GRM7: variants seen among roughly 807,000 people sequenced by gnomAD.
The protein encoded by GRM7 is glutamate metabotropic receptor 7.
Under a neutral mutation model 84.5 loss-of-function variants are expected in GRM7, and 35 were observed. The ratio of observed to expected loss-of-function variants is 0.41; its 90% CI spans 0.32 to 0.55. GRM7 has a LOEUF of 0.55. Among genes scored for constraint, GRM7 ranks in the 20% least tolerant of loss-of-function variants. The pLI is 0.19. For synonymous variants in GRM7, 487 were observed against 455.1 expected, an observed-to-expected ratio of 1.07 and a Z score of -0.89; for missense variants, 1,003 against 1,194.6, an observed-to-expected ratio of 0.84 and a Z score of 2.36.
At chr3:7,053,597 T>A (rs532844775) in intron 1 of GRM7, among the ~76,000 whole-genome samples, 1 of 151,674 alleles carries the variant, frequency 6.6e-6, no homozygotes, top group South Asian at 2.1e-4. Flanking sequence ...TATATTGATA[T>A]TAAGTTGTTT....
intron 8 of GRM7, among the ~76,000 whole-genome samples, chr3:7,637,069 G>A (rs1012543378): frequency 6.6e-6 from 1 of 152,176 alleles, no homozygotes; most frequent in Non-Finnish European, 1.5e-5. Flanking sequence ...TTAAAAGAGT[G>A]GTTGGTAGAA....
At chr3:7,126,626 C>G (rs1291494652) in intron 1 of GRM7, among the ~76,000 whole-genome samples, 1 of 152,176 alleles carries the variant, frequency 6.6e-6, no homozygotes, top group South Asian at 2.1e-4. Context: ...GAGTTAGCTA[C>G]TACCACTCAT....
Position 7,464,578 on chromosome 3 carries a change from C to A in GRM7, c.1515+2856C>A, listed in dbSNP as rs753558034. On this transcript the variant is annotated intron_variant, in intron 7 of 9. Coordinates refer to ENST00000357716, the MANE Select transcript of GRM7 (RefSeq NM_000844.4). ...AGGTGCAGTGGCTCATGCCTGTAAT[C>A]CCAGCACTTTGGGAGGCTGAGGTGG... is the stretch of plus-strand genomic sequence containing the variant. Among the ~76,000 whole-genome samples, 46 of 151,954 alleles carry A rather than the reference C, an allele frequency of 3.0e-4. 1 individual carries two copies. Among genetic ancestry groups the A allele is most frequent in the Non-Finnish European group, 6.0e-4 (41 of 68,006 alleles).
In GRM7 at chr3:6,863,044, G is replaced by A. The variant is rs372671441; in HGVS notation, c.519+1137G>A. 1.2e-4 allele frequency: 53 copies of A among 455,388 alleles called. 2 individuals carry two copies. Among genetic ancestry groups the A allele is most frequent in the South Asian group, 8.2e-4 (53 of 64,386 alleles). The allele number at this position is 455,388 out of a possible 1,614,324, so 28.2% of individuals were successfully genotyped here. A position where few individuals can be genotyped will look rare whatever the true frequency, so the allele number is the denominator to read the frequency against. On this transcript the variant is annotated intron_variant, in intron 1 of 9. Coordinates refer to ENST00000357716, the MANE Select transcript of GRM7 (RefSeq NM_000844.4). The surrounding 1 kb of genome is among the most constrained non-coding windows in gnomAD (Gnocchi z 4.8). ...TGGGGTTTGGAAATTGAGTTTCAGG[G>A]TCTCTGTGATTGTAGGTTCCCTCCT...
At chr3:7,194,117 A>G (rs995168218) in intron 2 of GRM7, among the ~76,000 whole-genome samples, 3 of 152,126 alleles carry the variant, frequency 2.0e-5, no homozygotes, top group Non-Finnish European at 4.4e-5. Flanking sequence ...GAAAAAAAAT[A>G]TTGTATAAAA....
At chr3:7,184,929 A>T (rs1695464162) in intron 2 of GRM7, among the ~76,000 whole-genome samples, 1 of 152,192 alleles carries the variant, frequency 6.6e-6, no homozygotes, top group African/African-American at 2.4e-5. Flanking sequence ...AAATATTAAT[A>T]TTATTAGTGG....
chr3:7,507,112 G>A (rs865915720), intron 7 of GRM7, among the ~76,000 whole-genome samples: 1 of 152,154 alleles, frequency 6.6e-6, no homozygotes, highest in African/African-American at 2.4e-5. Flanking sequence ...TTGGATAAAT[G>A]CTTTTCAGAT....
chr3:7,452,593 G>A lies in GRM7; in HGVS notation c.1175-14G>A. The A allele has an allele frequency of 6.6e-7, 1 of 1,504,178 alleles. No homozygotes were observed. 93.2% of individuals were successfully genotyped at this position (1,504,178 alleles called of 1,614,324 possible). A position where few individuals can be genotyped will look rare whatever the true frequency, so the allele number is the denominator to read the frequency against. On this transcript the variant is annotated splice_polypyrimidine_tract_variant and intron_variant, in intron 5 of 9. Transcript: ENST00000357716. ...GTGTGTGTGTGTGTGTGTGTTTCTT[G>A]TTTTAATGTGCAGGACAGGAGAGAA...
At chr3:7,031,620 T>C (rs747350072) in intron 1 of GRM7, among the ~76,000 whole-genome samples, 1 of 152,078 alleles carries the variant, frequency 6.6e-6, no homozygotes, top group Non-Finnish European at 1.5e-5. Flanking sequence ...GATTTCACCA[T>C]GTTAGCCAGG....
intron 2 of GRM7, among the ~76,000 whole-genome samples, chr3:7,209,509 T>C (rs1696350182): frequency 6.6e-6 from 1 of 152,162 alleles, no homozygotes; most frequent in African/African-American, 2.4e-5. Context: ...TGGAGGTCAT[T>C]GCCAGAAGAT....
chr3:7,131,152 C>T (rs1392211118), intron 1 of GRM7, among the ~76,000 whole-genome samples: 1 of 152,192 alleles, frequency 6.6e-6, no homozygotes, highest in South Asian at 2.1e-4. Flanking sequence ...AGCTTTGCTT[C>T]TTCCACCAAG....
chr3:7,044,997 G>A (rs949455537), intron 1 of GRM7, among the ~76,000 whole-genome samples: 1 of 152,104 alleles, frequency 6.6e-6, no homozygotes, highest in Non-Finnish European at 1.5e-5. Context: ...ATGTACTGTT[G>A]AATGATTGGC....
intron 2 of GRM7, among the ~76,000 whole-genome samples, chr3:7,259,951 C>CTTTTTTTTTTTTTTTTTTTT (rs1559534237): frequency 2.2e-4 from 3 of 13,418 alleles, no homozygotes; most frequent in African/African-American, 1.1e-3. Flanking sequence ...TTACCAGCAT[C>CTTTTTTTTTTTTTTTTTTTT]TGTTTTTTTT....
chr3:7,376,058 A>G (rs1010147988), intron 4 of GRM7, among the ~76,000 whole-genome samples: 4 of 152,182 alleles, frequency 2.6e-5, no homozygotes, highest in African/African-American at 9.7e-5. Context: ...CCATGAAATC[A>G]TGTAGGTGAA....
chr3:7,721,471 T>G (rs934629414), intron 9 of GRM7, among the ~76,000 whole-genome samples: 14 of 152,222 alleles, frequency 9.2e-5, no homozygotes, highest in Non-Finnish European at 1.6e-4. Context: ...GTAGTCTTTT[T>G]GACAGCATCA....
At chr3:7,527,263 A>AGTAC (rs1334267362) in intron 7 of GRM7, among the ~76,000 whole-genome samples, 12 of 152,046 alleles carry the variant, frequency 7.9e-5, no homozygotes, top group African/African-American at 2.6e-4. Flanking sequence ...AAGTATTTGT[A>AGTAC]GGTATTTTAT....
chr3:7,673,888 T>G (rs1306269449), intron 8 of GRM7, among the ~76,000 whole-genome samples: 1 of 152,184 alleles, frequency 6.6e-6, no homozygotes, highest in African/African-American at 2.4e-5. Context: ...AATAGATCAA[T>G]TTCTTCAGGA....
rs59334193 is a variant in GRM7, at chr3:7,307,511, C to T, written c.1033+859C>T. Among the ~76,000 whole-genome samples, 1,248 of 152,272 alleles carry T rather than the reference C, an allele frequency of 8.2e-3. 17 individuals are homozygous for T. Among genetic ancestry groups the T allele is most frequent in the African/African-American group, 0.028 (1,156 of 41,544 alleles). ...ATTTGCATTTTCTATTCTCTCTCCA[C>T]TCAAATCTAATTAATTATTCTCCTC... On this transcript the variant is annotated intron_variant, in intron 4 of 9. Coordinates refer to ENST00000357716, the MANE Select transcript of GRM7 (RefSeq NM_000844.4).
At chr3:7,325,700 T>C (rs2125059248) in intron 4 of GRM7, among the ~76,000 whole-genome samples, 1 of 152,314 alleles carries the variant, frequency 6.6e-6, no homozygotes, top group Non-Finnish European at 1.5e-5. Flanking sequence ...TGGTCAAAGG[T>C]AATTCATTTC....
Sources: gnomAD v4.1 joint callset for allele counts (sites outside exome capture counted in the v4.1 genomes callset) on GRCh38, gnomAD v4.1.1 for gene constraint, Gnocchi (gnomAD v3.1) non-coding constraint, MANE v1.5 for transcripts, NCBI Gene and HGNC (gene_info 2026-07-23, HGNC 2026-07-21) for gene names.